Variants in SLC39A11 observed in about 807,000 individuals in gnomAD.
SLC39A11 encodes zinc transporter ZIP11.
Under a neutral mutation model 36.1 loss-of-function variants are expected in SLC39A11, and 33 were observed. That is an observed-to-expected ratio of 0.91 (90% CI 0.69 to 1.22). The LOEUF (loss-of-function observed/expected upper bound fraction) is 1.22. Ranked by LOEUF, SLC39A11 falls within the 50% of genes most tolerant of loss-of-function variation. The pLI is 0.00. For missense variants in SLC39A11, 432 were observed against 430.3 expected (o/e 1.00, Z -0.03); for synonymous variants, 166 against 170.3 (o/e 0.97, Z 0.20).
At chr17:72,649,650 T>C (rs961020947) in intron 7 of SLC39A11, among the ~76,000 whole-genome samples, 1 of 150,832 alleles carries the variant, frequency 6.6e-6, no homozygotes, top group African/African-American at 2.4e-5. Flanking sequence ...TTTTCTTTTT[T>C]TTTTTTTTTG....
At chr17:72,871,956 G>A (rs1264648805) in intron 5 of SLC39A11, among the ~76,000 whole-genome samples, 3 of 152,198 alleles carry the variant, frequency 2.0e-5, no homozygotes, top group East Asian at 1.9e-4. Context: ...CACAGTGGCA[G>A]AATTGAATTC....
rs192454082 is a variant in SLC39A11, at chr17:72,722,400, C to T, written c.671+14250G>A. On this transcript the variant is annotated intron_variant, in intron 7 of 9. Transcript: ENST00000255559. ...AATTGCAGAGTCCAGATCATCTTGT[C>T]GCATTGCCCAATGGAGTTCAAACGG... Among the ~76,000 whole-genome samples, 335 of 152,184 alleles carry T rather than the reference C, an allele frequency of 2.2e-3. 3 individuals are homozygous for T. The highest frequency in any genetic ancestry group is 7.6e-3 in the African/African-American group (315 of 41,522).
chr17:72,955,300 T>TTTTTTTC (rs2086167109), intron 4 of SLC39A11, among the ~76,000 whole-genome samples: 1 of 111,766 alleles, frequency 8.9e-6, no homozygotes, highest in African/African-American at 3.1e-5. Context: ...TCAGTTCTCT[T>TTTTTTTC]TTTTTTTTTT....
chr17:72,995,623 T>C (rs2089458901), intron 4 of SLC39A11, among the ~76,000 whole-genome samples: 1 of 152,206 alleles, frequency 6.6e-6, no homozygotes, highest in Admixed American at 6.5e-5. Context: ...GAACCATGAA[T>C]TCACTCTCTC....
chr17:72,878,313 T>C (rs1273588361), intron 5 of SLC39A11, among the ~76,000 whole-genome samples: 1 of 152,090 alleles, frequency 6.6e-6, no homozygotes, highest in Non-Finnish European at 1.5e-5. Context: ...TTGGAAAGGG[T>C]ATCTGGATGT....
At position 72,707,272 on chromosome 17, in the gene SLC39A11, T is replaced by C. The variant is rs540920784; in HGVS notation, c.671+29378A>G. ...TTCTTTAAGTAGCTGGGTGTAGGGGTCCACACCTGTAATCCCAGCTACTTT... is the reference window on the plus strand; with the variant it reads ...TTCTTTAAGTAGCTGGGTGTAGGGGCCCACACCTGTAATCCCAGCTACTTT... On this transcript the variant is annotated intron_variant, in intron 7 of 9. Transcript: ENST00000255559. 4.0e-5 allele frequency among the ~76,000 whole-genome samples: 6 copies of C among 151,896 alleles called. No homozygotes were observed. In the South Asian group the frequency reaches 1.3e-3, roughly 32 times the overall value.
chr17:72,962,278 C>A (rs1409437739), intron 4 of SLC39A11, among the ~76,000 whole-genome samples: 17 of 152,180 alleles, frequency 1.1e-4, no homozygotes, highest in African/African-American at 4.1e-4. Flanking sequence ...ACTCCTTTTT[C>A]ACCACCGTTT....
intron 7 of SLC39A11, chr17:72,663,864 A>G (rs1284529277): frequency 2.6e-5 from 4 of 152,418 alleles, no homozygotes; most frequent in South Asian, 2.1e-4. Context: ...AGCTCTCAAA[A>G]TACTATCGCA....
At chr17:72,701,663 G>A (rs2072628513) in intron 7 of SLC39A11, among the ~76,000 whole-genome samples, 1 of 146,792 alleles carries the variant, frequency 6.8e-6, no homozygotes, top group South Asian at 2.3e-4. Context: ...GGGAGGCGGA[G>A]GTTGCAGGGA....
intron 3 of SLC39A11, among the ~76,000 whole-genome samples, chr17:73,049,366 G>A (rs867936512): frequency 2.7e-5 from 4 of 150,938 alleles, no homozygotes; most frequent in Non-Finnish European, 4.5e-5. Context: ...GCAGCTGGGC[G>A]GATGCGCCTT....
At chr17:72,856,080 A>G (rs1164236370) in intron 5 of SLC39A11, among the ~76,000 whole-genome samples, 1 of 152,182 alleles carries the variant, frequency 6.6e-6, no homozygotes, top group Non-Finnish European at 1.5e-5. Context: ...TAATGTATAT[A>G]AACAATCAGA....
intron 6 of SLC39A11, among the ~76,000 whole-genome samples, chr17:72,825,203 C>T (rs1598885685): frequency 6.6e-6 from 1 of 152,284 alleles, no homozygotes; most frequent in African/African-American, 2.4e-5. Context: ...TGGGACACTG[C>T]TCCCTGCATC....
intron 4 of SLC39A11, among the ~76,000 whole-genome samples, chr17:73,026,355 A>C (rs2058553053): frequency 6.6e-6 from 1 of 151,838 alleles, no homozygotes; most frequent in Non-Finnish European, 1.5e-5. Flanking sequence ...ATCTCTACTA[A>C]AAGTACAAAA....
At chr17:72,976,156 C>G (rs1226921281) in intron 4 of SLC39A11, among the ~76,000 whole-genome samples, 1 of 112,518 alleles carries the variant, frequency 8.9e-6, no homozygotes, top group Non-Finnish European at 1.7e-5. Flanking sequence ...AGCGACAGAG[C>G]GCGACTCCAT....
chr17:72,835,383 T>C (rs549314196), intron 6 of SLC39A11, among the ~76,000 whole-genome samples: 2 of 152,206 alleles, frequency 1.3e-5, no homozygotes, highest in South Asian at 4.2e-4. Context: ...AGTAGGTGGG[T>C]GGTAGAGTTT....
chr17:72,862,440 T>A (rs1454661404), intron 5 of SLC39A11, among the ~76,000 whole-genome samples: 1 of 152,238 alleles, frequency 6.6e-6, no homozygotes, highest in Admixed American at 6.5e-5. Context: ...GAATGGACCC[T>A]GCTTGGTGAA....
chr17:73,013,692 A>AT (rs71154944), intron 4 of SLC39A11, among the ~76,000 whole-genome samples: 18,674 of 150,498 alleles, frequency 0.12, 1,907 homozygotes, highest in African/African-American at 0.28. Flanking sequence ...AGGTTTTGTG[A>AT]TTTTTTTTTT....
chr17:72,897,607 G>C (rs1281784756), intron 5 of SLC39A11, among the ~76,000 whole-genome samples: 6 of 152,178 alleles, frequency 3.9e-5, no homozygotes, highest in African/African-American at 1.4e-4. Flanking sequence ...TTTGAAGAAA[G>C]TCTAATATCA....
chr17:72,901,719 G>A (rs1198465127), intron 5 of SLC39A11, among the ~76,000 whole-genome samples: 1 of 152,196 alleles, frequency 6.6e-6, no homozygotes. Flanking sequence ...ACCAGTGGCA[G>A]TGAGTTGAAT....
Sources: allele counts gnomAD v4.1 joint callset (sites outside exome capture counted in the v4.1 genomes callset), GRCh38; gene constraint gnomAD v4.1.1; transcripts MANE v1.5; gene names NCBI Gene and HGNC (gene_info 2026-07-23, HGNC 2026-07-21).